ZC3H4: variants seen among roughly 807,000 people sequenced by gnomAD.
The protein encoded by ZC3H4 is zinc finger CCCH domain-containing protein 4.
ZC3H4 carries 13 observed loss-of-function variants against 108.3 expected under a neutral mutation model. The observed-to-expected ratio is 0.12, with a 90% CI of 0.08 to 0.19. ZC3H4 has a LOEUF of 0.19. Ranked by LOEUF, ZC3H4 falls within the 10% of genes least tolerant of loss-of-function variation. The pLI is 1.00. For synonymous variants in ZC3H4, 917 were observed against 749.6 expected, an observed-to-expected ratio of 1.22 and a Z score of -3.65; for missense variants, 1,734 against 1,838.8, an observed-to-expected ratio of 0.94 and a Z score of 1.04.
In ZC3H4 at chr19:47,065,951, A is replaced by G. The variant is rs1308893966; in HGVS notation, c.*405T>C. 1 of 164,242 alleles carries G rather than the reference A, an allele frequency of 6.1e-6. No homozygotes were observed. The highest frequency in any genetic ancestry group is 1.3e-5 in the Non-Finnish European group (1 of 76,468). The allele number at this position is 164,242 out of a possible 1,614,324, so 10.2% of individuals were successfully genotyped here. On this transcript the variant is annotated 3_prime_UTR_variant, in exon 15 of 15. Coordinates refer to ENST00000253048, the MANE Select transcript of ZC3H4 (RefSeq NM_015168.2). Reference sequence around the variant, plus strand: ...TTCGGGCACAGGGTGAGGAGCGTTCAATACCTTCCCAGACACCAACTGTTC... The same window carrying G: ...TTCGGGCACAGGGTGAGGAGCGTTCGATACCTTCCCAGACACCAACTGTTC...
chr19:47,098,384 G>A (rs1439627319), intron 2 of ZC3H4, among the ~76,000 whole-genome samples: 1 of 151,990 alleles, frequency 6.6e-6, no homozygotes, highest in African/African-American at 2.4e-5. Context: ...CAGCTACTCA[G>A]GAGGCTGAGG....
chr19:47,091,477 G>A (rs1288274623), intron 4 of ZC3H4, among the ~76,000 whole-genome samples: 1 of 152,022 alleles, frequency 6.6e-6, no homozygotes, highest in Non-Finnish European at 1.5e-5. Flanking sequence ...GGGAGACTGA[G>A]GTGTGAGAAT....
rs1599984813 is a variant in ZC3H4, at chr19:47,072,101, G to A, written c.1823C>T (p.Pro608Leu). The A allele has an allele frequency of 1.3e-6, 2 of 1,538,460 alleles. No homozygotes were observed. Among genetic ancestry groups the A allele is most frequent in the East Asian group, 2.3e-5 (1 of 42,602 alleles). Residue 608 changes from proline to leucine, a missense_variant, in exon 13 of 15, where the codon CCC (proline) becomes CTC (leucine). This residue lies in a region of ZC3H4 where 540 missense variants were observed against 484.1 expected (regional missense o/e 1.12). Coordinates refer to ENST00000253048, the MANE Select transcript of ZC3H4 (RefSeq NM_015168.2). The surrounding 1 kb of genome is among the most constrained non-coding windows in gnomAD (Gnocchi z 5.6). ...LGVRFPGPGG[P>L]PGPMGPGPNM... ...GGGCCCAGGGCCCATTGGCCCTGGG[G>A]GTCCACCGGGTCCAGGGAACCTAGA...
chr19:47,094,347 C>T, intron 3 of ZC3H4, 42 bp downstream of exon 3: 1 of 1,604,440 alleles, frequency 6.2e-7, no homozygotes, highest in Non-Finnish European at 8.5e-7. Flanking sequence ...TCAGCCAGGC[C>T]CAATGCCAGG....
chr19:47,080,511 T>C (rs1330878322), intron 11 of ZC3H4, among the ~76,000 whole-genome samples: 1 of 152,200 alleles, frequency 6.6e-6, no homozygotes, highest in Non-Finnish European at 1.5e-5. Flanking sequence ...GTGGTCTTTC[T>C]TGGAGATGGC....
At chr19:47,078,543 G>A (rs1030374778) in intron 11 of ZC3H4, among the ~76,000 whole-genome samples, 2 of 152,058 alleles carry the variant, frequency 1.3e-5, no homozygotes, top group African/African-American at 2.4e-5. Flanking sequence ...AGCACTTTGG[G>A]AGGCCGGGGC....
intron 2 of ZC3H4, among the ~76,000 whole-genome samples, chr19:47,107,943 A>G (rs2279476): frequency 0.01 from 1,589 of 152,188 alleles, 69 homozygotes; most frequent in Admixed American, 0.081. Flanking sequence ...CCCCCAATCA[A>G]TCTCATTTTT....
chr19:47,093,215 CAA>C (rs918382221), intron 4 of ZC3H4, among the ~76,000 whole-genome samples: 1,029 of 48,332 alleles, frequency 0.021, 4 homozygotes, highest in African/African-American at 0.073. Flanking sequence ...GACTCTGCCT[CAA>C]AAAAAAAAAA....
Position 47,080,988 on chromosome 19 carries a change from C to T in ZC3H4, c.1440+525G>A, listed in dbSNP as rs187440181. On this transcript the variant is annotated intron_variant, in intron 11 of 14. Transcript: ENST00000253048. ...GGGTTTTGCCATGTTGCCCTAAGTA[C>T]AACTGATCTGCCTGCCTTGGCCTCC... Among the ~76,000 whole-genome samples the T allele has an allele frequency of 3.9e-4, 60 of 152,066 alleles. 1 individual carries two copies. Among genetic ancestry groups the T allele is most frequent in the African/African-American group, 1.3e-3 (53 of 41,488 alleles).
chr19:47,112,662 C>A, intron 1 of ZC3H4, 73 bp from the exon 2 acceptor site: 1 of 1,029,966 alleles, frequency 9.7e-7, no homozygotes, highest in Non-Finnish European at 1.2e-6. Flanking sequence ...CACTTAAGCT[C>A]GGAGGGCTCC....
rs1175245264 is a variant in ZC3H4 at position 47,112,513 on chromosome 19, TGGCGGCGGCGGCGATGGC to T, written c.54_71del (p.Pro19_Pro24del). The T allele has an allele frequency of 4.6e-6, 5 of 1,090,414 alleles. No individual in the cohort carries two copies. Among genetic ancestry groups the T allele is most frequent in the Non-Finnish European group, 5.9e-6 (5 of 852,156 alleles). 67.5% of individuals were successfully genotyped at this position (1,090,414 alleles called of 1,614,324 possible). A position where few individuals can be genotyped will look rare whatever the true frequency, so the allele number is the denominator to read the frequency against. On this transcript the variant is annotated inframe_deletion, in exon 2 of 15. Transcript: ENST00000253048. ...AACACGGAGGAGGCGAAGGCGTTGATGGCGGCGGCGGCGATGGCGGCGGCGGCGACTCTGATGGCGGCG... is the reference window on the plus strand; with the variant it reads ...AACACGGAGGAGGCGAAGGCGTTGATGGCGGCGGCGACTCTGATGGCGGCG...
chr19:47,084,461 A>G lies in ZC3H4; in HGVS notation c.1108-6T>C. Reference sequence around the variant, plus strand: ...TAGCTTCCACCACCACCGTCCTGCAATGGACAGGGTGTGGACGTAAAGGGG... The same window carrying G: ...TAGCTTCCACCACCACCGTCCTGCAGTGGACAGGGTGTGGACGTAAAGGGG... On this transcript the variant is annotated splice_polypyrimidine_tract_variant and splice_region_variant and intron_variant, in intron 8 of 14. Coordinates refer to ENST00000253048, the MANE Select transcript of ZC3H4 (RefSeq NM_015168.2). 6.2e-7 allele frequency: 1 copy of G among 1,613,920 alleles called. No individual in the cohort carries two copies. The highest frequency in any genetic ancestry group is 8.5e-7 in the Non-Finnish European group (1 of 1,179,764).
At chr19:47,077,994 G>C (rs933235752) in intron 11 of ZC3H4, among the ~76,000 whole-genome samples, 1 of 151,914 alleles carries the variant, frequency 6.6e-6, no homozygotes, top group Non-Finnish European at 1.5e-5. Flanking sequence ...GCTCTCTACA[G>C]AATTTACTTT....
rs1301603104 is a variant in ZC3H4, at chr19:47,065,320, A to C, written c.*1036T>G. The C allele has an allele frequency of 6.5e-6, 1 of 152,766 alleles. No individual in the cohort carries two copies. The highest frequency in any genetic ancestry group is 1.5e-5 in the Non-Finnish European group (1 of 68,106). 9.5% of individuals were successfully genotyped at this position (152,766 alleles called of 1,614,324 possible). A position where few individuals can be genotyped will look rare whatever the true frequency, so the allele number is the denominator to read the frequency against. Reference sequence around the variant, plus strand: ...AACACATCAATACCTCATGCCCTGCAGGTCACACAGTGTAAGGAGGTGCGA... The same window carrying C: ...AACACATCAATACCTCATGCCCTGCCGGTCACACAGTGTAAGGAGGTGCGA... On this transcript the variant is annotated 3_prime_UTR_variant, in exon 15 of 15. Coordinates refer to ENST00000253048, the MANE Select transcript of ZC3H4 (RefSeq NM_015168.2).
rs766716152 is a variant in ZC3H4 at position 47,094,094 on chromosome 19, G to T, written c.382-14C>A. 2 of 1,612,154 alleles carry T rather than the reference G, an allele frequency of 1.2e-6. No homozygotes were observed. The highest frequency in any genetic ancestry group is 3.3e-5 in the Admixed American group (2 of 59,980). On this transcript the variant is annotated splice_polypyrimidine_tract_variant and intron_variant, in intron 3 of 14. Transcript: ENST00000253048. ...AGAAGCATGGCGCTGTAATGACAGG[G>T]GAAGGAGACTCAGCAACCTGCCACA...
chr19:47,080,262 C>T (rs1049254651), intron 11 of ZC3H4, among the ~76,000 whole-genome samples: 2 of 152,146 alleles, frequency 1.3e-5, no homozygotes, highest in Non-Finnish European at 2.9e-5. Flanking sequence ...TAACCCTAAC[C>T]CAAGGTCCTC....
In ZC3H4 at chr19:47,100,143, C is replaced by T. The variant is rs577403140; in HGVS notation, c.162-5535G>A. On this transcript the variant is annotated intron_variant, in intron 2 of 14. Transcript: ENST00000253048. ...ACTAGTCGTTTATTAGGATTGAAGGCGCAGGGCCTTTGCTTCAGAAATTCA... is the reference window on the plus strand; with the variant it reads ...ACTAGTCGTTTATTAGGATTGAAGGTGCAGGGCCTTTGCTTCAGAAATTCA... 2.6e-5 allele frequency among the ~76,000 whole-genome samples: 4 copies of T among 152,308 alleles called. No individual in the cohort carries two copies. In the East Asian group the frequency reaches 7.7e-4, roughly 29 times the overall value.
chr19:47,112,189 G>A (rs1192617469), intron 2 of ZC3H4: 4 of 1,203,424 alleles, frequency 3.3e-6, no homozygotes, highest in Non-Finnish European at 4.1e-6. Flanking sequence ...GAGCGAGAGC[G>A]AGGGAGAGCG....
At chr19:47,083,310 T>TA (rs918816929) in intron 9 of ZC3H4, among the ~76,000 whole-genome samples, 2,382 of 121,988 alleles carry the variant, frequency 0.02, 58 homozygotes, top group African/African-American at 0.065. Context: ...TAAAAAAAAT[T>TA]AAAAAAAAAA....
Sources: allele counts gnomAD v4.1 joint callset (sites outside exome capture counted in the v4.1 genomes callset), GRCh38; gene constraint gnomAD v4.1.1; regional missense constraint gnomAD v4.1.1; non-coding constraint Gnocchi (gnomAD v3.1); transcripts MANE v1.5; gene names NCBI Gene and HGNC (gene_info 2026-07-23, HGNC 2026-07-21).